Variants in CALN1 observed in about 807,000 individuals in gnomAD.
The protein encoded by CALN1 is calcium-binding protein 8.
CALN1 carries 17 observed loss-of-function variants against 30.6 expected under a neutral mutation model. The ratio of observed to expected loss-of-function variants is 0.56; its 90% CI spans 0.38 to 0.83. The LOEUF (loss-of-function observed/expected upper bound fraction) is 0.83. Among genes scored for constraint, CALN1 ranks in the 40% least tolerant of loss-of-function variants. The pLI is 0.00. For missense variants in CALN1, 291 were observed against 354.9 expected (o/e 0.82, Z 1.45); for synonymous variants, 156 against 131.4 (o/e 1.19, Z -1.28).
At chr7:72,244,980 C>T (rs1191642725) in intron 3 of CALN1, among the ~76,000 whole-genome samples, 2 of 152,086 alleles carry the variant, frequency 1.3e-5, no homozygotes, top group Non-Finnish European at 2.9e-5. Flanking sequence ...AGATGGATGA[C>T]ATCATCAGGC....
At chr7:71,861,237 C>T (rs33946733) in intron 5 of CALN1, among the ~76,000 whole-genome samples, 52,960 of 151,752 alleles carry the variant, frequency 0.35, 9,844 homozygotes, top group East Asian at 0.56. Flanking sequence ...GACCGATAAA[C>T]ATTAATTGAG....
chr7:72,306,902 TAC>T (rs1383025907), intron 2 of CALN1, among the ~76,000 whole-genome samples: 1 of 152,166 alleles, frequency 6.6e-6, no homozygotes, highest in East Asian at 1.9e-4. Context: ...TCAGGTATTT[TAC>T]AGAGTCTGAC....
intron 3 of CALN1, among the ~76,000 whole-genome samples, chr7:72,151,910 CTT>C (rs369752622): frequency 3.0e-4 from 40 of 132,846 alleles, no homozygotes; most frequent in Non-Finnish European, 3.9e-4. Flanking sequence ...TTATTCTTTT[CTT>C]TTTTTTTTTT....
chr7:72,271,428 G>C (rs374031153), intron 3 of CALN1, among the ~76,000 whole-genome samples: 21 of 150,834 alleles, frequency 1.4e-4, no homozygotes, highest in East Asian at 1.4e-3. Context: ...ATTTCTTTTT[G>C]TTTTCTTTTT....
At chr7:72,257,431 G>C (rs1163795974) in intron 3 of CALN1, among the ~76,000 whole-genome samples, 4 of 150,036 alleles carry the variant, frequency 2.7e-5, no homozygotes, top group African/African-American at 1.0e-4. Flanking sequence ...ACTCTTGTAA[G>C]AATGGCCACA....
chr7:71,898,018 GGAGA>G (rs1178513997), intron 5 of CALN1, among the ~76,000 whole-genome samples: 5 of 80,920 alleles, frequency 6.2e-5, no homozygotes, highest in African/African-American at 9.5e-5. Context: ...GGAGGGGGGG[GGAGA>G]GAGAGAGAGA....
At chr7:72,029,586 C>T (rs959221095) in intron 4 of CALN1, among the ~76,000 whole-genome samples, 1 of 152,190 alleles carries the variant, frequency 6.6e-6, no homozygotes, top group Non-Finnish European at 1.5e-5. Flanking sequence ...TCAGTGCCAT[C>T]TCCCCAACCT....
intron 4 of CALN1, among the ~76,000 whole-genome samples, chr7:72,058,087 T>C (rs975973864): frequency 6.6e-6 from 1 of 152,148 alleles, no homozygotes; most frequent in Non-Finnish European, 1.5e-5. Context: ...TAGAATTGTA[T>C]AGAAAATTGC....
At chr7:72,150,189 C>T (rs1391845854) in intron 3 of CALN1, among the ~76,000 whole-genome samples, 3 of 150,944 alleles carry the variant, frequency 2.0e-5, no homozygotes, top group African/African-American at 7.3e-5. Context: ...TTCTGTTGAG[C>T]AGAAGATCTT....
At chr7:72,368,640 C>T (rs60100251) in intron 2 of CALN1, among the ~76,000 whole-genome samples, 15,966 of 151,788 alleles carry the variant, frequency 0.11, 1,048 homozygotes, top group East Asian at 0.27. Flanking sequence ...TCAGATCATA[C>T]GGAGGTCATC....
At position 71,782,026 on chromosome 7, in the gene CALN1, A is replaced by G. The variant is rs1584193223; in HGVS notation, c.*5749T>C. On this transcript the variant is annotated 3_prime_UTR_variant, in exon 7 of 7. Coordinates refer to ENST00000395275, the MANE Select transcript of CALN1 (RefSeq NM_031468.4). The stretch of plus-strand genomic sequence containing the variant: ...CCCAAATGAATATGAAGGAGAAACC[A>G]CAGCTGTCAAAATGACCATATGCAT... 1 of 152,350 alleles carries G rather than the reference A, an allele frequency of 6.6e-6. No homozygotes were observed. The highest frequency in any genetic ancestry group is 1.9e-4 in the East Asian group (1 of 5,186). The allele number at this position is 152,350 out of a possible 1,614,324, so 9.4% of individuals were successfully genotyped here. A position where few individuals can be genotyped will look rare whatever the true frequency, so the allele number is the denominator to read the frequency against.
the CALN1 span, among the ~76,000 whole-genome samples, chr7:72,483,291 T>TA: frequency 6.9e-6 from 1 of 145,762 alleles, no homozygotes; most frequent in African/African-American, 2.5e-5. Flanking sequence ...TTTTTTTTTT[T>TA]TTTTTTTTTT....
chr7:72,340,502 G>A (rs1802329348), intron 2 of CALN1, among the ~76,000 whole-genome samples: 1 of 152,176 alleles, frequency 6.6e-6, no homozygotes, highest in South Asian at 2.1e-4. Context: ...CAACTGGGTG[G>A]TTGGGACTTA....
intron 5 of CALN1, among the ~76,000 whole-genome samples, chr7:71,833,684 C>A (rs148897621): frequency 2.2e-3 from 340 of 152,116 alleles, no homozygotes; most frequent in African/African-American, 7.7e-3. Flanking sequence ...AGCAGGACTG[C>A]TTGAGGCCAG....
At chr7:72,143,688 T>C (rs1020265151) in intron 3 of CALN1, among the ~76,000 whole-genome samples, 5 of 151,820 alleles carry the variant, frequency 3.3e-5, no homozygotes, top group African/African-American at 4.8e-5. Flanking sequence ...TTCACCAAAG[T>C]TGAAATGAAG....
intron 4 of CALN1, among the ~76,000 whole-genome samples, chr7:72,042,142 G>A (rs548778035): frequency 1.3e-5 from 2 of 152,250 alleles, no homozygotes; most frequent in East Asian, 1.9e-4. Context: ...GCTTTCAGAT[G>A]GGTTATGCAT....
At chr7:72,339,378 T>C (rs1275788117) in intron 2 of CALN1, among the ~76,000 whole-genome samples, 1 of 152,182 alleles carries the variant, frequency 6.6e-6, no homozygotes, top group East Asian at 1.9e-4. Flanking sequence ...ATCTTATAAC[T>C]GAGATGTAAC....
chr7:72,190,347 T>C (rs2129546750), intron 3 of CALN1, among the ~76,000 whole-genome samples: 1 of 152,264 alleles, frequency 6.6e-6, no homozygotes, highest in East Asian at 1.9e-4. Flanking sequence ...CAAGACTCCG[T>C]CTCAAATAAC....
the CALN1 span, among the ~76,000 whole-genome samples, chr7:72,494,295 A>AAGACTAAAAAAGTCAGT: frequency 6.6e-6 from 1 of 152,218 alleles, no homozygotes; most frequent in Non-Finnish European, 1.5e-5. Flanking sequence ...GTGTTCCAGG[A>AAGACTAAAAAAGTCAGT]AGACTAAAAA....
Sources: allele counts gnomAD v4.1 joint callset (sites outside exome capture counted in the v4.1 genomes callset), GRCh38; gene constraint gnomAD v4.1.1; transcripts MANE v1.5; gene names NCBI Gene and HGNC (gene_info 2026-07-23, HGNC 2026-07-21).